Variants in TENM3 observed in about 807,000 individuals in gnomAD.
TENM3 encodes teneurin-3.
Under a neutral mutation model 255.1 loss-of-function variants are expected in TENM3, and 63 were observed. The ratio of observed to expected loss-of-function variants is 0.25; its 90% CI spans 0.20 to 0.30. The LOEUF (loss-of-function observed/expected upper bound fraction) is 0.30, where lower values mean the gene tolerates loss of function less well. TENM3 is among the 10% of genes least tolerant of loss of function. The pLI, the probability that TENM3 is intolerant of heterozygous loss-of-function variation, is 1.00. For missense variants in TENM3, 2,929 were observed against 3,461.1 expected, an observed-to-expected ratio of 0.85 and a Z score of 3.86; for synonymous variants, 1,306 against 1,322.3, an observed-to-expected ratio of 0.99 and a Z score of 0.27.
At chr4:181,956,800 A>C in the TENM3 span, among the ~76,000 whole-genome samples, 1 of 152,346 alleles carries the variant, frequency 6.6e-6, no homozygotes, top group African/African-American at 2.4e-5. Context: ...CTTTATTAAT[A>C]GTACTGCAGA....
chr4:181,654,888 A>AT, the TENM3 span, among the ~76,000 whole-genome samples: 3 of 152,074 alleles, frequency 2.0e-5, no homozygotes, highest in Admixed American at 1.3e-4. Flanking sequence ...GGCCCCTTCC[A>AT]TCCAACATGA....
the TENM3 span, among the ~76,000 whole-genome samples, chr4:181,740,593 C>T: frequency 6.6e-6 from 1 of 150,378 alleles, no homozygotes; most frequent in Non-Finnish European, 1.5e-5. Flanking sequence ...TGGTGAAAAC[C>T]AAAGGAAAAA....
chr4:181,772,546 C>T, the TENM3 span, among the ~76,000 whole-genome samples: 1 of 152,126 alleles, frequency 6.6e-6, no homozygotes, highest in African/African-American at 2.4e-5. Flanking sequence ...GTTGTAACAA[C>T]TAAAATGCAG....
At chr4:181,977,092 C>G in the TENM3 span, among the ~76,000 whole-genome samples, 21 of 152,260 alleles carry the variant, frequency 1.4e-4, no homozygotes, top group African/African-American at 4.6e-4. Context: ...TGAGCTGGAC[C>G]GCCCAGCTTC....
chr4:182,022,213 T>C, the TENM3 span, among the ~76,000 whole-genome samples: 1 of 152,030 alleles, frequency 6.6e-6, no homozygotes, highest in African/African-American at 2.4e-5. Flanking sequence ...TGGAATGCTA[T>C]GCAGCCACAA....
intron 4 of TENM3, among the ~76,000 whole-genome samples, chr4:182,615,068 TA>T (rs200371082): frequency 1.0e-4 from 12 of 118,306 alleles, no homozygotes; most frequent in East Asian, 3.2e-4. Context: ...TATATATATG[TA>T]TTTTTTTTTT....
the TENM3 span, among the ~76,000 whole-genome samples, chr4:181,901,769 T>C: frequency 0.084 from 12,785 of 152,228 alleles, 656 homozygotes; most frequent in East Asian, 0.2. Context: ...TGTAAAGTTA[T>C]GGATTAAAAT....
intron 4 of TENM3, among the ~76,000 whole-genome samples, chr4:182,610,863 C>A (rs993953048): frequency 6.6e-6 from 1 of 151,574 alleles, no homozygotes; most frequent in African/African-American, 2.4e-5. Flanking sequence ...CCCGCCTCAG[C>A]CTCCCGAGTA....
chr4:182,224,196 A>G (rs1756008854), intron 1 of TENM3, among the ~76,000 whole-genome samples: 1 of 152,218 alleles, frequency 6.6e-6, no homozygotes, highest in African/African-American at 2.4e-5. Flanking sequence ...TGGGCACATG[A>G]GGTCCTTTAA....
At chr4:182,662,008 A>G (rs1304474935) in intron 6 of TENM3, among the ~76,000 whole-genome samples, 2 of 152,180 alleles carry the variant, frequency 1.3e-5, no homozygotes, top group African/African-American at 4.8e-5. Flanking sequence ...AACAGATACC[A>G]AACCTCCTAA....
chr4:182,257,358 G>A (rs1758472785), intron 1 of TENM3, among the ~76,000 whole-genome samples: 1 of 152,118 alleles, frequency 6.6e-6, no homozygotes, highest in African/African-American at 2.4e-5. Flanking sequence ...GTTACGCAGT[G>A]GTGCCCTCCA....
chr4:181,484,730 A>T, the TENM3 span, among the ~76,000 whole-genome samples: 10 of 150,074 alleles, frequency 6.7e-5, no homozygotes, highest in African/African-American at 2.4e-4. Flanking sequence ...ATCAGAACTA[A>T]TTTTTTTTTT....
the TENM3 span, among the ~76,000 whole-genome samples, chr4:181,913,214 A>G: frequency 6.6e-6 from 1 of 152,206 alleles, no homozygotes; most frequent in East Asian, 1.9e-4. Flanking sequence ...AGAAGCCGAG[A>G]CAGGAAGGAG....
chr4:182,219,043 G>A (rs1755692568), intron 1 of TENM3, among the ~76,000 whole-genome samples: 1 of 152,094 alleles, frequency 6.6e-6, no homozygotes, highest in Non-Finnish European at 1.5e-5. Context: ...GCCAACTGGC[G>A]AAACCCTGTC....
At chr4:181,929,453 A>G in the TENM3 span, among the ~76,000 whole-genome samples, 1 of 152,238 alleles carries the variant, frequency 6.6e-6, no homozygotes, top group Admixed American at 6.5e-5. Context: ...ATATAATGGT[A>G]AAGGAATCAA....
chr4:181,844,363 C>T, the TENM3 span, among the ~76,000 whole-genome samples: 1 of 152,134 alleles, frequency 6.6e-6, no homozygotes, highest in Non-Finnish European at 1.5e-5. Flanking sequence ...TATACCAGTT[C>T]TTTAATTCTA....
chr4:181,550,502 A>G, the TENM3 span, among the ~76,000 whole-genome samples: 30 of 152,326 alleles, frequency 2.0e-4, no homozygotes, highest in Admixed American at 4.6e-4. Context: ...GATGGTGGTC[A>G]ATGATCGAGT....
intron 1 of TENM3, among the ~76,000 whole-genome samples, chr4:182,210,958 C>T (rs1441350413): frequency 6.6e-6 from 1 of 152,182 alleles, no homozygotes; most frequent in Non-Finnish European, 1.5e-5. Context: ...GTCCTTCCAG[C>T]CCCTTCCTAT....
chr4:182,553,598 GA>G (rs1329974359), intron 3 of TENM3, among the ~76,000 whole-genome samples: 1 of 151,924 alleles, frequency 6.6e-6, no homozygotes, highest in African/African-American at 2.4e-5. Context: ...AGAGCATAAT[GA>G]AAGTTTATTT....
Sources: gnomAD v4.1 joint callset for allele counts (sites outside exome capture counted in the v4.1 genomes callset) on GRCh38, gnomAD v4.1.1 for gene constraint, MANE v1.5 for transcripts, NCBI Gene and HGNC (gene_info 2026-07-23, HGNC 2026-07-21) for gene names.